ADAD1: variants seen among roughly 807,000 people sequenced by gnomAD.
The protein encoded by ADAD1 is adenosine deaminase domain-containing protein 1.
A neutral mutation model predicts 66.8 loss-of-function variants in ADAD1; 46 were observed. The ratio of observed to expected loss-of-function variants is 0.69; its 90% CI spans 0.54 to 0.88. The LOEUF is 0.88. Among genes scored for constraint, ADAD1 ranks in the 40% least tolerant of loss-of-function variants. The pLI is 0.00. For synonymous variants in ADAD1, 248 were observed against 229.4 expected, an observed-to-expected ratio of 1.08 and a Z score of -0.73; for missense variants, 617 against 681.8, an observed-to-expected ratio of 0.91 and a Z score of 1.06.
intron 7 of ADAD1, among the ~76,000 whole-genome samples, chr4:122,402,576 C>T (rs958277361): frequency 1.3e-5 from 2 of 152,088 alleles, no homozygotes; most frequent in Non-Finnish European, 2.9e-5. Flanking sequence ...CTAAATTTTT[C>T]CTTCAAATAT....
intron 4 of ADAD1, among the ~76,000 whole-genome samples, chr4:122,383,544 C>T (rs542345341): frequency 6.6e-6 from 1 of 152,294 alleles, no homozygotes; most frequent in East Asian, 1.9e-4. Context: ...CACGTGTGAT[C>T]AGTACTCTAC....
chr4:122,390,247 C>A (rs1172567282), intron 5 of ADAD1, among the ~76,000 whole-genome samples: 1 of 152,190 alleles, frequency 6.6e-6, no homozygotes, highest in Non-Finnish European at 1.5e-5. Context: ...TGAAGAGTTT[C>A]CCTTTGTAGG....
chr4:122,411,542 A>G, intron 9 of ADAD1, 150 bp downstream of exon 9: 1 of 739,390 alleles, frequency 1.4e-6, no homozygotes, highest in Non-Finnish European at 2.1e-6. Flanking sequence ...GGAGACCCCA[A>G]ATCCTTTTCC....
intron 7 of ADAD1, among the ~76,000 whole-genome samples, chr4:122,405,766 C>A (rs972724273): frequency 7.2e-5 from 11 of 152,158 alleles, no homozygotes; most frequent in Non-Finnish European, 1.3e-4. Flanking sequence ...CTAGTAACCA[C>A]CATTCTACTC....
chr4:122,425,712 T>C (rs1028074081), intron 12 of ADAD1, among the ~76,000 whole-genome samples: 1 of 151,972 alleles, frequency 6.6e-6, no homozygotes, highest in African/African-American at 2.4e-5. Flanking sequence ...CTAGGGATGA[T>C]TTAAAGTATA....
intron 12 of ADAD1, among the ~76,000 whole-genome samples, chr4:122,422,178 G>A (rs1220438229): frequency 7.3e-6 from 1 of 137,362 alleles, no homozygotes; most frequent in Non-Finnish European, 1.5e-5. Flanking sequence ...AGGCTAGAGT[G>A]CAATGGCACG....
chr4:122,380,944 TG>T, intron 3 of ADAD1, 47 bp from the exon 4 acceptor site: 1 of 1,500,988 alleles, frequency 6.7e-7, no homozygotes. Context: ...TGCTCATTTT[TG>T]TTTGTTTGTT....
Position 122,412,614 on chromosome 4 carries a change from G to T in ADAD1, c.1054G>T (p.Ala352Ser). ...LNPHSISAFE[A>S]NEELCLHVAV... ...TCCACATTCTATATCTGCATTTGAA[G>T]CCAATGAAGAACTCTGTCTCCACGT... The change falls in exon 10 of 13, where the codon GCC becomes TCC. Residue 352 changes from alanine (A) to serine (S), a missense_variant. By Grantham distance (99) the Ala-to-Ser change is moderately conservative. Coordinates refer to ENST00000296513, the MANE Select transcript of ADAD1 (RefSeq NM_139243.4). 1 of 1,613,750 alleles carries T rather than the reference G, an allele frequency of 6.2e-7. No homozygotes were observed. The highest frequency in any genetic ancestry group is 8.5e-7 in the Non-Finnish European group (1 of 1,179,708).
intron 12 of ADAD1, among the ~76,000 whole-genome samples, chr4:122,425,552 C>T (rs1484573624): frequency 6.6e-6 from 1 of 150,992 alleles, no homozygotes; most frequent in African/African-American, 2.4e-5. Context: ...AGTTATGCAT[C>T]CTCAGATTCA....
chr4:122,413,220 A>T (rs1796550564), intron 10 of ADAD1, among the ~76,000 whole-genome samples: 1 of 152,130 alleles, frequency 6.6e-6, no homozygotes, highest in South Asian at 2.1e-4. Context: ...TATTTTGAGG[A>T]ATTGTTTTCT....
At chr4:122,379,754 T>A (rs1346174219) in intron 2 of ADAD1, 1 of 211,264 alleles carries the variant, frequency 4.7e-6, no homozygotes, top group Admixed American at 5.4e-5. Flanking sequence ...TTTTCTTTTT[T>A]CCTGACCTTG....
chr4:122,386,404 G>C (rs1795174955), intron 5 of ADAD1, among the ~76,000 whole-genome samples: 1 of 152,056 alleles, frequency 6.6e-6, no homozygotes. Context: ...TTTTTTTCTT[G>C]TAAATATGTT....
Position 122,380,131 on chromosome 4 carries a change from A to T in ADAD1, c.62A>T (p.Lys21Ile), listed in dbSNP as rs1221276226. 4.3e-6 allele frequency: 7 copies of T among 1,614,092 alleles called. No homozygotes were observed. Among genetic ancestry groups the T allele is most frequent in the Non-Finnish European group, 5.9e-6 (7 of 1,180,040 alleles). Residue 21 changes from lysine (K) to isoleucine (I), a missense_variant, in exon 3 of 13, where the codon AAA becomes ATA. Physicochemically the swap from Lys to Ile is moderately radical, Grantham distance 102 (BLOSUM62 -3). Coordinates refer to ENST00000296513, the MANE Select transcript of ADAD1 (RefSeq NM_139243.4). ...GTCCCCAGCTTTGCCCAGATGCTGA[A>T]AAAGAACCTGCCAGTTCAACCAGCG... ...SQVPSFAQML[K>I]KNLPVQPATK... is the part of the protein sequence containing the mutation.
At chr4:122,401,025 T>A (rs1795950614) in intron 7 of ADAD1, among the ~76,000 whole-genome samples, 1 of 152,140 alleles carries the variant, frequency 6.6e-6, no homozygotes, top group Non-Finnish European at 1.5e-5. Flanking sequence ...CTTTATTATA[T>A]CTTTTCTTCT....
Position 122,421,249 on chromosome 4 carries a change from C to G in ADAD1, c.1488-12C>G. On this transcript the variant is annotated splice_polypyrimidine_tract_variant and intron_variant, in intron 11 of 12. Coordinates refer to ENST00000296513, the MANE Select transcript of ADAD1 (RefSeq NM_139243.4). ...AAAAGAAATTTAAAAAATTTTATTT[C>G]TCTCTGCTTAGTTCCCCATTTAAAA... is the stretch of plus-strand genomic sequence containing the variant. 2 of 1,528,394 alleles carry G rather than the reference C, an allele frequency of 1.3e-6. No individual in the cohort carries two copies. The highest frequency in any genetic ancestry group is 2.0e-5 in the Admixed American group (1 of 51,042). The allele number at this position is 1,528,394 out of a possible 1,614,324, so 94.7% of individuals were successfully genotyped here. A position where few individuals can be genotyped will look rare whatever the true frequency, so the allele number is the denominator to read the frequency against.
intron 5 of ADAD1, among the ~76,000 whole-genome samples, chr4:122,391,407 G>A (rs964098368): frequency 6.6e-5 from 10 of 152,312 alleles, no homozygotes; most frequent in South Asian, 4.1e-4. Flanking sequence ...GGTGTGCTTC[G>A]CTGTGGAGAA....
chr4:122,398,317 G>GGTGT (rs112075307), intron 7 of ADAD1, among the ~76,000 whole-genome samples: 6,503 of 148,622 alleles, frequency 0.044, 204 homozygotes, highest in African/African-American at 0.082. Flanking sequence ...AGTATTCCAG[G>GGTGT]GTGTGTGTGT....
At chr4:122,411,435 C>T in intron 9 of ADAD1, 43 bp downstream of exon 9, 1 of 1,528,670 alleles carries the variant, frequency 6.5e-7, no homozygotes. Context: ...GTAGGATGGC[C>T]ATGCCATACA....
At chr4:122,424,414 T>G (rs996980459) in intron 12 of ADAD1, among the ~76,000 whole-genome samples, 1 of 152,186 alleles carries the variant, frequency 6.6e-6, no homozygotes, top group African/African-American at 2.4e-5. Flanking sequence ...AGTTTATGAC[T>G]TAGATGCAGT....
Sources: gnomAD v4.1 joint callset for allele counts (sites outside exome capture counted in the v4.1 genomes callset) on GRCh38, gnomAD v4.1.1 for gene constraint, MANE v1.5 for transcripts, NCBI Gene and HGNC (gene_info 2026-07-23, HGNC 2026-07-21) for gene names.